The following CYP27C1 variants were observed in gnomAD, a reference collection of about 807,000 sequenced individuals.
The protein encoded by CYP27C1 is cytochrome P450 family 27 subfamily C member 1, also known as cytochrome P450 27C1.
CYP27C1 carries 29 observed loss-of-function variants against 40.6 expected under a neutral mutation model. The observed-to-expected ratio is 0.71, with a 90% confidence interval of 0.53 to 0.97. The LOEUF is 0.97. Ranked by LOEUF, CYP27C1 falls within the 50% of genes least tolerant of loss-of-function variation. CYP27C1 has a pLI of 0.00. For missense variants in CYP27C1, 390 were observed against 485.8 expected, an observed-to-expected ratio of 0.80 and a Z score of 1.85; for synonymous variants, 198 against 186.8, an observed-to-expected ratio of 1.06 and a Z score of -0.49.
intron 1 of CYP27C1, among the ~76,000 whole-genome samples, chr2:127,206,842 C>T (rs1238896845): frequency 6.6e-6 from 1 of 152,096 alleles, no homozygotes; most frequent in Non-Finnish European, 1.5e-5. Flanking sequence ...AAGGAAAAGA[C>T]ATCTGGATTG....
chr2:127,190,844 G>A (rs897146828), intron 8 of CYP27C1, among the ~76,000 whole-genome samples: 2 of 151,650 alleles, frequency 1.3e-5, no homozygotes, highest in South Asian at 2.1e-4. Context: ...CTACTCCAGA[G>A]GCTGAGGCAG....
rs972972850 is a variant in CYP27C1, at chr2:127,201,561, C to T, written c.674-230G>A. On this transcript the variant is annotated intron_variant, in intron 3 of 8. Transcript: ENST00000664447. The surrounding 1 kb of genome is among the most constrained non-coding windows in gnomAD (Gnocchi z 6.0). ...AGGAGCCCCACAGCCCTGGGAGGCA[C>T]AGATGAAGAAGCCCACTCTCTGGAG... 4.6e-5 allele frequency among the ~76,000 whole-genome samples: 7 copies of T among 152,150 alleles called. No homozygotes were observed. Among genetic ancestry groups the T allele is most frequent in the Non-Finnish European group, 1.0e-4 (7 of 68,034 alleles).
rs746913578 is a variant in CYP27C1 at position 127,203,541 on chromosome 2, G to A, written c.504C>T (p.Ser168=). 6.2e-6 allele frequency: 10 copies of A among 1,613,646 alleles called. No individual in the cohort carries two copies. The highest frequency in any genetic ancestry group is 2.2e-5 in the South Asian group (2 of 90,972). ...AEGEQWLKMR[S]VLRQRILKPK... ...GTTTCAGAATTCTTTGTCTCAATAC[G>A]CTTCTCATCTTGAGCCACTGTTCAC... The change falls in exon 3 of 9, where the codon AGC becomes AGT. Residue 168 remains serine (S), a synonymous_variant. Transcript: ENST00000664447.
At position 127,186,758 on chromosome 2, in the gene CYP27C1, G is replaced by A. The variant is rs1194854758; in HGVS notation, c.*513C>T. On this transcript the variant is annotated 3_prime_UTR_variant, in exon 9 of 9. Coordinates refer to ENST00000664447, the MANE Select transcript of CYP27C1 (RefSeq NM_001367502.1). The surrounding 1 kb of genome is among the most constrained non-coding windows in gnomAD (Gnocchi z 4.5). ...CTAAATCTGGTGCTCAGGATAAAAT[G>A]TTGCCTCTGGTGCTTTCTTCCCATA... 1 of 152,654 alleles carries A rather than the reference G, an allele frequency of 6.6e-6. No individual in the cohort carries two copies. The highest frequency in any genetic ancestry group is 6.5e-5 in the Admixed American group (1 of 15,348). The allele number at this position is 152,654 out of a possible 1,614,324, so 9.5% of individuals were successfully genotyped here. A position where few individuals can be genotyped will look rare whatever the true frequency, so the allele number is the denominator to read the frequency against.
chr2:127,189,238 C>T (rs2104671419), intron 8 of CYP27C1, among the ~76,000 whole-genome samples: 1 of 150,118 alleles, frequency 6.7e-6, no homozygotes, highest in African/African-American at 2.5e-5. Context: ...TCCAAACATT[C>T]CTGTTCAATC....
At chr2:127,189,091 C>T (rs1037325864) in intron 8 of CYP27C1, among the ~76,000 whole-genome samples, 10 of 151,972 alleles carry the variant, frequency 6.6e-5, no homozygotes, top group Non-Finnish European at 1.3e-4. Flanking sequence ...TCGTGCCACA[C>T]GGTATTTTTT....
chr2:127,193,334 G>A, intron 7 of CYP27C1, 37 bp from the exon 8 acceptor site: 1 of 1,610,666 alleles, frequency 6.2e-7, no homozygotes, highest in Non-Finnish European at 8.5e-7. Flanking sequence ...GGGAAAAGGG[G>A]CAGAATCACT....
chr2:127,193,791 C>T lies in CYP27C1; in HGVS notation c.1291G>A (p.Gly431Ser), dbSNP rs770702757. ...CACCCCCATGGCCCCAAACTCACGC[C>T]TTTCGGAATCAGATACCCGCCAATA... ...LVIGGYLIPKGTQLALCHYAT... is the reference protein window; with the variant it reads ...LVIGGYLIPKSTQLALCHYAT... The change falls in exon 7 of 9, where the codon GGC (glycine) becomes AGC (serine). Residue 431 changes from glycine (G) to serine (S), a missense_variant and splice_region_variant. Physicochemically the swap from Gly to Ser is moderately conservative, Grantham distance 56. Coordinates refer to ENST00000664447, the MANE Select transcript of CYP27C1 (RefSeq NM_001367502.1). 9 of 1,614,200 alleles carry T rather than the reference C, an allele frequency of 5.6e-6. No homozygotes were observed. In the East Asian group the frequency reaches 1.8e-4, roughly 32 times the overall value.
Position 127,200,064 on chromosome 2 carries a change from C to T in CYP27C1, c.884-525G>A, listed in dbSNP as rs1682997287. 6.6e-6 allele frequency among the ~76,000 whole-genome samples: 1 copy of T among 152,204 alleles called. No individual in the cohort carries two copies. The highest frequency in any genetic ancestry group is 2.4e-5 in the African/African-American group (1 of 41,438). ...GCAGGATCTCGGCTCACTGCAACCT[C>T]CGCCTCCCGGGTTCAAGCCATTCTC... On this transcript the variant is annotated intron_variant, in intron 4 of 8. Coordinates refer to ENST00000664447, the MANE Select transcript of CYP27C1 (RefSeq NM_001367502.1). The surrounding 1 kb of genome is among the most constrained non-coding windows in gnomAD (Gnocchi z 4.2).
In CYP27C1 at chr2:127,195,214, C is replaced by T; in HGVS notation, c.1214+121G>A. ...TCTGACAAGAGCAGAGAAAAAATAA[C>T]AGTCACGAACATCCTCATCCTGAAC... On this transcript the variant is annotated intron_variant, in intron 6 of 8. Coordinates refer to ENST00000664447, the MANE Select transcript of CYP27C1 (RefSeq NM_001367502.1). This position sits in a 1 kb window ranked among gnomAD's most constrained non-coding sequence, Gnocchi z 6.2. 8.3e-7 allele frequency: 1 copy of T among 1,206,118 alleles called. No homozygotes were observed. The highest frequency in any genetic ancestry group is 1.2e-6 in the Non-Finnish European group (1 of 851,576). The allele number at this position is 1,206,118 out of a possible 1,614,324, so 74.7% of individuals were successfully genotyped here.
intron 8 of CYP27C1, among the ~76,000 whole-genome samples, chr2:127,188,658 G>A (rs1012607120): frequency 2.1e-5 from 3 of 145,568 alleles, no homozygotes; most frequent in African/African-American, 8.5e-5. Context: ...ATCTTGGTTC[G>A]TACCTTTGAT....
chr2:127,193,653 T>TC lies in CYP27C1; in HGVS notation c.1293+135dup, dbSNP rs1178970141. On this transcript the variant is annotated intron_variant, in intron 7 of 8. Transcript: ENST00000664447. The stretch of plus-strand genomic sequence containing the variant: ...CTTCCTTTCTCCCAACACCCCATCT[T>TC]CATCTTAAAATACATGCAAAAGAAA... The TC allele has an allele frequency of 1.4e-4, 131 of 953,428 alleles. 1 individual carries two copies. In the East Asian group the frequency reaches 3.4e-3, roughly 25 times the overall value. 59.1% of individuals were successfully genotyped at this position (953,428 alleles called of 1,614,324 possible). A position where few individuals can be genotyped will look rare whatever the true frequency, so the allele number is the denominator to read the frequency against.
chr2:127,214,521 G>A (rs1328532545), intron 1 of CYP27C1, among the ~76,000 whole-genome samples: 1 of 152,172 alleles, frequency 6.6e-6, no homozygotes, highest in Non-Finnish European at 1.5e-5. Context: ...CCTTTGCAGG[G>A]ACATGGATGA....
intron 3 of CYP27C1, among the ~76,000 whole-genome samples, chr2:127,202,595 A>T (rs1683060059): frequency 1.3e-5 from 2 of 152,222 alleles, no homozygotes; most frequent in African/African-American, 4.8e-5. Flanking sequence ...TGCATTCAGG[A>T]AAGAGGGAGA....
intron 2 of CYP27C1, among the ~76,000 whole-genome samples, chr2:127,203,968 A>G (rs1342109231): frequency 6.6e-6 from 1 of 151,882 alleles, no homozygotes; most frequent in Non-Finnish European, 1.5e-5. Context: ...TACTGATATT[A>G]AAAAAGAAAA....
rs906142550 is a variant in CYP27C1 at position 127,184,197 on chromosome 2, A to G, written c.*3074T>C. On this transcript the variant is annotated 3_prime_UTR_variant, in exon 9 of 9. Transcript: ENST00000664447. The stretch of plus-strand genomic sequence containing the variant: ...CATCAAATACACACAGTCAGCATTC[A>G]AATTTCCCCGAGTTGCTCTCTTTTT... 6.6e-6 allele frequency: 1 copy of G among 152,212 alleles called. No individual in the cohort carries two copies. The highest frequency in any genetic ancestry group is 2.4e-5 in the African/African-American group (1 of 41,432). 9.4% of individuals were successfully genotyped at this position (152,212 alleles called of 1,614,324 possible). A position where few individuals can be genotyped will look rare whatever the true frequency, so the allele number is the denominator to read the frequency against.
chr2:127,206,955 T>A (rs1050004952), intron 1 of CYP27C1, among the ~76,000 whole-genome samples: 6 of 152,122 alleles, frequency 3.9e-5, no homozygotes, highest in Non-Finnish European at 8.8e-5. Context: ...ATAAACAAGT[T>A]CAATAGGACA....
chr2:127,188,657 C>T (rs1473195328), intron 8 of CYP27C1, among the ~76,000 whole-genome samples: 1 of 151,976 alleles, frequency 6.6e-6, no homozygotes. Flanking sequence ...GATCTTGGTT[C>T]GTACCTTTGA....
chr2:127,198,186 T>TACACACACACACACACAC (rs3033450), intron 5 of CYP27C1, among the ~76,000 whole-genome samples: 41 of 148,170 alleles, frequency 2.8e-4, no homozygotes, highest in African/African-American at 9.2e-4. Flanking sequence ...AATTTGTTGA[T>TACACACACACACACACAC]ACACACACAC....
Sources: allele counts gnomAD v4.1 joint callset (sites outside exome capture counted in the v4.1 genomes callset), GRCh38; gene constraint gnomAD v4.1.1; non-coding constraint Gnocchi (gnomAD v3.1); transcripts MANE v1.5; gene names NCBI Gene and HGNC (gene_info 2026-07-23, HGNC 2026-07-21).